PACS2: variants seen among roughly 807,000 people sequenced by gnomAD.
PACS2 encodes the protein phosphofurin acidic cluster sorting protein 2.
PACS2 carries 36 observed loss-of-function variants against 113.0 expected under a neutral mutation model. The observed-to-expected ratio is 0.32, with a 90% CI of 0.24 to 0.42. The LOEUF (loss-of-function observed/expected upper bound fraction) is 0.42, where lower values mean the gene tolerates loss of function less well. Ranked by LOEUF, PACS2 falls within the 10% of genes least tolerant of loss-of-function variation. The pLI is 1.00. For synonymous variants in PACS2, 589 were observed against 536.1 expected (o/e 1.10, Z -1.36); for missense variants, 1,015 against 1,239.5 (o/e 0.82, Z 2.72).
Position 105,329,310 on chromosome 14 carries a change from T to A in PACS2, c.119+14273T>A, listed in dbSNP as rs1158489203. On this transcript the variant is annotated intron_variant, in intron 1 of 24. Coordinates refer to ENST00000447393, the MANE Select transcript of PACS2 (RefSeq NM_001100913.3). The surrounding 1 kb of genome is among the most constrained non-coding windows in gnomAD (Gnocchi z 6.4). Reference sequence around the variant, plus strand: ...CTGTCCCCGTCTTCTCCCGGCTTCCTTGGGTCCTGTGTGCCCAACTTGGCA... The same window carrying A: ...CTGTCCCCGTCTTCTCCCGGCTTCCATGGGTCCTGTGTGCCCAACTTGGCA... Among the ~76,000 whole-genome samples, 2 of 152,182 alleles carry A rather than the reference T, an allele frequency of 1.3e-5. No homozygotes were observed. The highest frequency in any genetic ancestry group is 2.9e-5 in the Non-Finnish European group (2 of 68,022).
upstream of PACS2, chr14:105,314,509 C>T (rs1328704209): frequency 6.8e-6 from 1 of 147,754 alleles, no homozygotes; most frequent in Non-Finnish European, 1.5e-5. Flanking sequence ...CGCGTGAGTG[C>T]GCGCTCTCGC....
chr14:105,390,186 G>A, intron 20 of PACS2, 183 bp downstream of exon 20: 1 of 666,216 alleles, frequency 1.5e-6, no homozygotes, highest in South Asian at 1.6e-5. Context: ...AGTGGGGTGT[G>A]GGGCCAGAGG....
Position 105,369,893 on chromosome 14 carries a change from C to T in PACS2, c.794C>T (p.Ser265Phe). ...VVALLRRFKV[S>F]DEVLDSEQDP... is the part of the protein sequence containing the mutation. ...GCGCTGCTGCGGAGGTTCAAAGTGT[C>T]CGACGAGGTGAGTGCGCCGCGCCTT... Residue 265 changes from serine (S) to phenylalanine (F), a missense_variant, in exon 8 of 25, where the codon TCC becomes TTC. Physicochemically the swap from Ser to Phe is radical, Grantham distance 155. Transcript: ENST00000447393. 1 of 1,602,808 alleles carries T rather than the reference C, an allele frequency of 6.2e-7. No individual in the cohort carries two copies. The highest frequency in any genetic ancestry group is 1.1e-5 in the South Asian group (1 of 90,122).
intron 1 of PACS2, among the ~76,000 whole-genome samples, chr14:105,338,474 G>A (rs781932754): frequency 2.2e-4 from 34 of 152,132 alleles, no homozygotes; most frequent in Non-Finnish European, 4.4e-4. Context: ...TGTTCCTTGG[G>A]CCTCCCCTGA....
chr14:105,350,928 C>T (rs908703230), intron 2 of PACS2, among the ~76,000 whole-genome samples: 1 of 152,200 alleles, frequency 6.6e-6, no homozygotes. Flanking sequence ...TCTTGCCACG[C>T]TGCACGTGAG....
Position 105,380,941 on chromosome 14 carries a change from CG to C in PACS2, c.1126-15del. 1.2e-6 allele frequency: 2 copies of C among 1,603,252 alleles called. No individual in the cohort carries two copies. Among genetic ancestry groups the C allele is most frequent in the Non-Finnish European group, 1.7e-6 (2 of 1,173,956 alleles). On this transcript the variant is annotated splice_polypyrimidine_tract_variant and intron_variant, in intron 11 of 24. Coordinates refer to ENST00000447393, the MANE Select transcript of PACS2 (RefSeq NM_001100913.3). ...TGGTTTCCACGGGAGGCTCCAGGCC[CG>C]TCTCTGCTCAGCAGGGTGTGCCAGG...
In PACS2 at chr14:105,354,650, G is replaced by A. The variant is rs2060360683; in HGVS notation, c.298-402G>A. Among the ~76,000 whole-genome samples, 3 of 152,218 alleles carry A rather than the reference G, an allele frequency of 2.0e-5. No individual in the cohort carries two copies. Among genetic ancestry groups the A allele is most frequent in the African/African-American group, 7.2e-5 (3 of 41,458 alleles). ...TCGGAGGGAGAGCCCTCCCCGCCCT[G>A]TGTGCCCCTCGCGGAAAAGCGTCCT... On this transcript the variant is annotated intron_variant, in intron 3 of 24. Coordinates refer to ENST00000447393, the MANE Select transcript of PACS2 (RefSeq NM_001100913.3). The surrounding 1 kb of genome is among the most constrained non-coding windows in gnomAD (Gnocchi z 4.2).
intron 22 of PACS2, chr14:105,392,153 G>T (rs1435727849): frequency 3.1e-6 from 1 of 326,232 alleles, no homozygotes; most frequent in African/African-American, 2.2e-5. Context: ...GCCCGCCCGG[G>T]TCTCTCCGGA....
intron 1 of PACS2, among the ~76,000 whole-genome samples, chr14:105,318,523 G>C (rs1395189520): frequency 6.6e-6 from 1 of 151,836 alleles, no homozygotes; most frequent in Non-Finnish European, 1.5e-5. Flanking sequence ...GTGCAATCTC[G>C]GCTCACTGCA....
At chr14:105,332,279 G>A (rs1433239746) in intron 1 of PACS2, among the ~76,000 whole-genome samples, 1 of 152,210 alleles carries the variant, frequency 6.6e-6, no homozygotes, top group Non-Finnish European at 1.5e-5. Context: ...GCCCCTCACT[G>A]GCGCTGGGAA....
chr14:105,364,492 C>G (rs1428985526), intron 4 of PACS2, among the ~76,000 whole-genome samples: 1 of 147,970 alleles, frequency 6.8e-6, no homozygotes, highest in Non-Finnish European at 1.5e-5. Context: ...GGGTGGCGGC[C>G]CGGGTGCGCG....
At chr14:105,333,569 T>C (rs2059387575) in intron 1 of PACS2, among the ~76,000 whole-genome samples, 2 of 152,224 alleles carry the variant, frequency 1.3e-5, no homozygotes, top group Non-Finnish European at 2.9e-5. Flanking sequence ...CTGGGGATGT[T>C]CCTGGGACCC....
chr14:105,307,079 CTG>C (rs1240311604), intron 1 of PACS2, among the ~76,000 whole-genome samples: 1 of 151,428 alleles, frequency 6.6e-6, no homozygotes, highest in African/African-American at 2.4e-5. Context: ...GGGTCTCACT[CTG>C]TCACCCAGGC....
At chr14:105,353,962 A>G (rs1203643499) in intron 3 of PACS2, among the ~76,000 whole-genome samples, 2 of 150,600 alleles carry the variant, frequency 1.3e-5, no homozygotes, top group African/African-American at 4.9e-5. Context: ...CTGTAATCCC[A>G]GCACTTCGGG....
At position 105,323,524 on chromosome 14, in the gene PACS2, G is replaced by A. The variant is rs587758421; in HGVS notation, c.119+8487G>A. Among the ~76,000 whole-genome samples the A allele has an allele frequency of 2.6e-3, 389 of 152,362 alleles. 4 individuals are homozygous for A. Among genetic ancestry groups the A allele is most frequent in the African/African-American group, 8.9e-3 (371 of 41,582 alleles). On this transcript the variant is annotated intron_variant, in intron 1 of 24. Transcript: ENST00000447393. The surrounding 1 kb of genome is among the most constrained non-coding windows in gnomAD (Gnocchi z 4.1). ...TGCACAGTGTAGCTCCTTGGCGGACGTTCCTGTAATGGAACCAGGATGTCA... is the reference window on the plus strand; with the variant it reads ...TGCACAGTGTAGCTCCTTGGCGGACATTCCTGTAATGGAACCAGGATGTCA...
Position 105,320,222 on chromosome 14 carries a change from C to T in PACS2, c.119+5185C>T, listed in dbSNP as rs200482534. On this transcript the variant is annotated intron_variant, in intron 1 of 24. Transcript: ENST00000447393. ...CGATCTCCTGACCTTGTTATCCGTCCACCTCAGCCTCCCAAAGTGCTGGGA... is the reference window on the plus strand; with the variant it reads ...CGATCTCCTGACCTTGTTATCCGTCTACCTCAGCCTCCCAAAGTGCTGGGA... Among the ~76,000 whole-genome samples, 119 of 152,274 alleles carry T rather than the reference C, an allele frequency of 7.8e-4. 1 individual carries two copies. The East Asian group carries it at 0.015, about 19-fold the overall frequency.
rs983822212 is a variant in PACS2, at chr14:105,354,329, C to G, written c.298-723C>G. On this transcript the variant is annotated intron_variant, in intron 3 of 24. Transcript: ENST00000447393. This position sits in a 1 kb window ranked among gnomAD's most constrained non-coding sequence, Gnocchi z 4.2. ...GTTGGCTAGGGTGGTCTCGAACTCC[C>G]TACCTCAGGTGATCCGCCCAGCTTG... Among the ~76,000 whole-genome samples, 14 of 151,980 alleles carry G rather than the reference C, an allele frequency of 9.2e-5. No homozygotes were observed. The highest frequency in any genetic ancestry group is 2.7e-4 in the African/African-American group (11 of 41,398).
At chr14:105,326,757 C>T (rs1744334838) in intron 1 of PACS2, among the ~76,000 whole-genome samples, 1 of 152,220 alleles carries the variant, frequency 6.6e-6, no homozygotes. Context: ...CTGGGCTCTC[C>T]TGGCCTGAGC....
chr14:105,377,315 C>T (rs2080821940), intron 9 of PACS2, among the ~76,000 whole-genome samples: 1 of 152,020 alleles, frequency 6.6e-6, no homozygotes, highest in Admixed American at 6.5e-5. Context: ...TGCTGGGTGC[C>T]CCTCCCTGAG....
Sources: gnomAD v4.1 joint callset for allele counts (sites outside exome capture counted in the v4.1 genomes callset) on GRCh38, gnomAD v4.1.1 for gene constraint, Gnocchi (gnomAD v3.1) non-coding constraint, MANE v1.5 for transcripts, NCBI Gene and HGNC (gene_info 2026-07-23, HGNC 2026-07-21) for gene names.